Variants in RFX4 observed in about 807,000 individuals in gnomAD.
RFX4 encodes transcription factor RFX4.
In RFX4, 10 loss-of-function variants were observed where a neutral mutation model predicts 95.0. The ratio of observed to expected loss-of-function variants is 0.11; its 90% confidence interval spans 0.06 to 0.18. RFX4 has a LOEUF of 0.18. Ranked by LOEUF, RFX4 falls within the 10% of genes least tolerant of loss-of-function variation. The probability of loss-of-function intolerance (pLI) is 1.00; values close to 1 mark genes in which losing one functional copy is unlikely to be tolerated. For synonymous variants in RFX4, 321 were observed against 340.7 expected (o/e 0.94, Z 0.64); for missense variants, 640 against 922.0 (o/e 0.69, Z 3.96).
At chr12:106,656,534 A>G (rs548579395) in intron 4 of RFX4, among the ~76,000 whole-genome samples, 1 of 152,316 alleles carries the variant, frequency 6.6e-6, no homozygotes, top group South Asian at 2.1e-4. Flanking sequence ...CATCCCAAAC[A>G]GGGTCCTACG....
At position 106,761,177 on chromosome 12, in the gene RFX4, AT is replaced by A; in HGVS notation, c.1936-17del. ...CTCAAGCTAATTTTAACTTTGTGGA[AT>A]TTCTTTCCCCTCAACAAGTACCCTT... On this transcript the variant is annotated intron_variant, in intron 17 of 17. Coordinates refer to ENST00000392842, the MANE Select transcript of RFX4 (RefSeq NM_213594.3). 6.2e-7 allele frequency: 1 copy of A among 1,601,410 alleles called. No homozygotes were observed. The highest frequency in any genetic ancestry group is 8.5e-7 in the Non-Finnish European group (1 of 1,170,248).
At chr12:106,602,087 G>A (rs1007762487) in intron 1 of RFX4, among the ~76,000 whole-genome samples, 3 of 152,178 alleles carry the variant, frequency 2.0e-5, no homozygotes, top group South Asian at 2.1e-4. Context: ...GGCAGTGAGT[G>A]CACCCCAGCC....
At chr12:106,709,487 T>G in intron 9 of RFX4, 57 bp downstream of exon 9, 1 of 1,367,856 alleles carries the variant, frequency 7.3e-7, no homozygotes, top group Non-Finnish European at 1.0e-6. Flanking sequence ...GTGCCAAATA[T>G]TTTACATAAG....
At position 106,654,113 on chromosome 12, in the gene RFX4, G is replaced by A. The variant is rs572701868; in HGVS notation, c.192-115G>A. The A allele has an allele frequency of 3.3e-5, 46 of 1,414,150 alleles. No homozygotes were observed. The South Asian group carries it at 5.1e-4, about 16-fold the overall frequency. 87.6% of individuals were successfully genotyped at this position (1,414,150 alleles called of 1,614,324 possible). On this transcript the variant is annotated intron_variant, in intron 3 of 17. Coordinates refer to ENST00000392842, the MANE Select transcript of RFX4 (RefSeq NM_213594.3). ...TTCCTGGGCCCCAGCTTCTCCACCT[G>A]TAGAAAGAACGTTATTTCTAAGGAC...
At chr12:106,658,674 C>T (rs2041009649) in intron 4 of RFX4, among the ~76,000 whole-genome samples, 1 of 152,158 alleles carries the variant, frequency 6.6e-6, no homozygotes, top group Admixed American at 6.5e-5. Context: ...CTGGGGGCTT[C>T]TCCTAGCTAT....
intron 3 of RFX4, among the ~76,000 whole-genome samples, chr12:106,644,230 C>CTTTTTTT (rs756140160): frequency 1.6e-5 from 2 of 128,434 alleles, no homozygotes; most frequent in Non-Finnish European, 3.3e-5. Context: ...GCCATTTCCC[C>CTTTTTTT]TTTTTTTTTT....
intron 4 of RFX4, among the ~76,000 whole-genome samples, chr12:106,665,575 C>T (rs1427064529): frequency 6.6e-6 from 1 of 151,820 alleles, no homozygotes. Flanking sequence ...TTTTTGTCTT[C>T]CACTCTTCTG....
At chr12:106,712,785 C>A (rs1272574835) in intron 10 of RFX4, among the ~76,000 whole-genome samples, 1 of 152,124 alleles carries the variant, frequency 6.6e-6, no homozygotes, top group African/African-American at 2.4e-5. Context: ...ATTGGCCTAA[C>A]AAAGAAACAC....
At chr12:106,610,253 A>G (rs1253063215) in intron 2 of RFX4, among the ~76,000 whole-genome samples, 3 of 151,972 alleles carry the variant, frequency 2.0e-5, no homozygotes, top group African/African-American at 7.2e-5. Flanking sequence ...AAAAAAAAAA[A>G]AAAAAGAATG....
At chr12:106,635,548 A>G (rs1315586744) in intron 2 of RFX4, among the ~76,000 whole-genome samples, 1 of 152,048 alleles carries the variant, frequency 6.6e-6, no homozygotes, top group Non-Finnish European at 1.5e-5. Flanking sequence ...CCTGGCCTCA[A>G]GTGATCTGCC....
intron 4 of RFX4, among the ~76,000 whole-genome samples, chr12:106,679,221 G>T (rs1006131993): frequency 4.6e-5 from 7 of 152,210 alleles, no homozygotes; most frequent in African/African-American, 1.7e-4. Context: ...ACTTTGAGAG[G>T]TTGAGGTGGG....
intron 16 of RFX4, among the ~76,000 whole-genome samples, chr12:106,749,767 G>A (rs944231695): frequency 6.6e-5 from 10 of 152,274 alleles, no homozygotes; most frequent in South Asian, 2.1e-4. Context: ...ATGGATGTGA[G>A]AAACAGGGTC....
chr12:106,740,118 T>C (rs2042781193), intron 15 of RFX4, among the ~76,000 whole-genome samples: 1 of 152,226 alleles, frequency 6.6e-6, no homozygotes. Flanking sequence ...ATGGGTTCCC[T>C]GCAACACAAA....
chr12:106,673,080 A>G (rs1326835060), intron 4 of RFX4, among the ~76,000 whole-genome samples: 2 of 152,200 alleles, frequency 1.3e-5, no homozygotes, highest in African/African-American at 4.8e-5. Flanking sequence ...AACCACACTA[A>G]TATGTTCCTT....
intron 8 of RFX4, among the ~76,000 whole-genome samples, chr12:106,707,205 A>G (rs2137485716): frequency 6.6e-6 from 1 of 152,302 alleles, no homozygotes; most frequent in South Asian, 2.1e-4. Context: ...TAAAAATAAA[A>G]TGATGAAAAA....
chr12:106,744,747 T>C (rs775384359), intron 15 of RFX4, among the ~76,000 whole-genome samples: 2 of 152,156 alleles, frequency 1.3e-5, no homozygotes, highest in African/African-American at 4.8e-5. Context: ...GCACAAAGTG[T>C]GTGGGTTCAC....
chr12:106,603,321 T>C (rs915591127), intron 1 of RFX4, among the ~76,000 whole-genome samples: 8 of 152,230 alleles, frequency 5.3e-5, no homozygotes, highest in Non-Finnish European at 8.8e-5. Context: ...TGAAGCCTTG[T>C]AGAAAACATG....
intron 2 of RFX4, among the ~76,000 whole-genome samples, chr12:106,623,541 A>G (rs903090426): frequency 1.3e-5 from 2 of 152,224 alleles, no homozygotes; most frequent in South Asian, 2.1e-4. Flanking sequence ...AAGAAGGCAG[A>G]AATGTTGTGT....
Position 106,676,477 on chromosome 12 carries a change from G to A in RFX4, c.316-5516G>A, listed in dbSNP as rs553063081. ...ATTGCCAGAGGCCTCTAGGTAGACA[G>A]GTAATGATCTGCATCATTCCTTCAG... On this transcript the variant is annotated intron_variant, in intron 4 of 17. Coordinates refer to ENST00000392842, the MANE Select transcript of RFX4 (RefSeq NM_213594.3). Among the ~76,000 whole-genome samples the A allele has an allele frequency of 2.2e-4, 33 of 152,334 alleles. No individual in the cohort carries two copies. The South Asian group carries it at 6.0e-3, about 28-fold the overall frequency.
Sources: gnomAD v4.1 joint callset for allele counts (sites outside exome capture counted in the v4.1 genomes callset) on GRCh38, gnomAD v4.1.1 for gene constraint, MANE v1.5 for transcripts, NCBI Gene and HGNC (gene_info 2026-07-23, HGNC 2026-07-21) for gene names.